MTRR: variants seen among roughly 807,000 people sequenced by gnomAD.
MTRR encodes 5-methyltetrahydrofolate-homocysteine methyltransferase reductase.
Under a neutral mutation model 79.2 loss-of-function variants are expected in MTRR, and 63 were observed. The ratio of observed to expected loss-of-function variants is 0.80; its 90% CI spans 0.65 to 0.98. The LOEUF is 0.98. Among genes scored for constraint, MTRR ranks in the 50% least tolerant of loss-of-function variants. MTRR has a pLI of 0.00. For missense variants in MTRR, 895 were observed against 839.6 expected, an observed-to-expected ratio of 1.07 and a Z score of -0.82; for synonymous variants, 355 against 313.3, an observed-to-expected ratio of 1.13 and a Z score of -1.41.
chr5:7,893,084 C>T, intron 11 of MTRR, 171 bp downstream of exon 11: 1 of 712,454 alleles, frequency 1.4e-6, no homozygotes, highest in Non-Finnish European at 2.3e-6. Flanking sequence ...CTTCCATGTA[C>T]TCTTTAACTA....
rs372674593 is a variant in MTRR, at chr5:7,869,178, C to G, written c.-63C>G. 9 of 1,611,744 alleles carry G rather than the reference C, an allele frequency of 5.6e-6. No homozygotes were observed. In the African/African-American group the frequency reaches 9.3e-5, roughly 17 times the overall value. ...GCGCTGGCGCAAGGTTGGTGGAAGT[C>G]GCGTTGTGCAGGTTCGTGCCCGGCT... On this transcript the variant is annotated 5_prime_UTR_variant, in exon 1 of 15. Coordinates refer to ENST00000440940, the MANE Select transcript of MTRR (RefSeq NM_002454.3).
exon 1 of MTRR, chr5:7,851,215 T>A: frequency 1.9e-6 from 1 of 515,068 alleles, no homozygotes; most frequent in Non-Finnish European, 3.0e-6. Flanking sequence ...GGAGCGACCC[T>A]CCCCTCCTCC....
chr5:7,857,619 G>A (rs1041093480), intron 1 of MTRR, among the ~76,000 whole-genome samples: 15 of 152,158 alleles, frequency 9.9e-5, no homozygotes, highest in African/African-American at 3.6e-4. Flanking sequence ...GTGGGCATGA[G>A]GTCTCTGTGT....
At chr5:7,859,549 T>C (rs747775050) in intron 1 of MTRR, 16 of 1,548,086 alleles carry the variant, frequency 1.0e-5, no homozygotes, top group East Asian at 2.3e-5. Context: ...TCTGTAAAGG[T>C]AGAAAAGTAA....
intron 4 of MTRR, among the ~76,000 whole-genome samples, chr5:7,875,735 G>C (rs1468827946): frequency 1.3e-5 from 2 of 152,188 alleles, no homozygotes; most frequent in Non-Finnish European, 2.9e-5. Context: ...CCTTTGGATT[G>C]GGCTCTTTAC....
intron 2 of MTRR, among the ~76,000 whole-genome samples, chr5:7,872,050 G>A (rs1266181321): frequency 6.6e-6 from 1 of 151,900 alleles, no homozygotes; most frequent in Admixed American, 6.6e-5. Context: ...TATCCTCCCT[G>A]GCTGATGGTT....
intron 12 of MTRR, among the ~76,000 whole-genome samples, chr5:7,896,162 G>A (rs1738485783): frequency 6.6e-6 from 1 of 152,176 alleles, no homozygotes. Context: ...TACAGCTGTT[G>A]TATCTATCCC....
In MTRR at chr5:7,889,227, C is replaced by A. The variant is rs763667405; in HGVS notation, c.1279C>A (p.Leu427Ile). ...VRDACACLLD[L>I]LLAFPSCQPP... ...AGATGCCTGTGCCTGCTTGTTGGAT[C>A]TCCTCCTCGCTTTCCCTTCTTGCCA... The change falls in exon 9 of 15, where the codon CTC (leucine) becomes ATC (isoleucine). Residue 427 changes from leucine (L) to isoleucine (I), a missense_variant. Physicochemically the swap from Leu to Ile is conservative, Grantham distance 5. Transcript: ENST00000440940. 5 of 1,613,362 alleles carry A rather than the reference C, an allele frequency of 3.1e-6. No homozygotes were observed. The South Asian group carries it at 5.5e-5, about 18-fold the overall frequency.
At position 7,877,682 on chromosome 5, in the gene MTRR, A is replaced by G. The variant is rs565576627; in HGVS notation, c.402-262A>G. Reference sequence around the variant, plus strand: ...GGAGGAATTCTATTCCTGTCATCCTATTACTAGAATATCTTCCTATCCCTC... The same window carrying G: ...GGAGGAATTCTATTCCTGTCATCCTGTTACTAGAATATCTTCCTATCCCTC... On this transcript the variant is annotated intron_variant, in intron 4 of 14. Transcript: ENST00000440940. 7.2e-5 allele frequency among the ~76,000 whole-genome samples: 11 copies of G among 152,238 alleles called. No individual in the cohort carries two copies. In the South Asian group the frequency reaches 1.2e-3, roughly 17 times the overall value.
At position 7,870,845 on chromosome 5, in the gene MTRR, C is replaced by T. The variant is rs1361329417; in HGVS notation, c.51C>T (p.Ala17=). 1 of 1,614,182 alleles carries T rather than the reference C, an allele frequency of 6.2e-7. No individual in the cohort carries two copies. Among genetic ancestry groups the T allele is most frequent in the Non-Finnish European group, 8.5e-7 (1 of 1,180,034 alleles). The change falls in exon 2 of 15, where the codon GCC becomes GCT. Residue 17 remains alanine, a synonymous_variant. Coordinates refer to ENST00000440940, the MANE Select transcript of MTRR (RefSeq NM_002454.3). ...CTACACAGCAGGGACAGGCAAAGGC[C>T]ATCGCAGAAGAAATATGTGAGCAAG... The part of the protein sequence containing the change: ...LYATQQGQAK[A]IAEEICEQAV...
chr5:7,868,504 G>A (rs1207479810), upstream of MTRR, among the ~76,000 whole-genome samples: 1 of 152,138 alleles, frequency 6.6e-6, no homozygotes, highest in Admixed American at 6.5e-5. Flanking sequence ...GTTGGTTGAA[G>A]GAAGAAATTG....
chr5:7,877,943 G>A lies in MTRR; in HGVS notation c.402-1G>A. The A allele has an allele frequency of 6.2e-7, 1 of 1,612,650 alleles. No individual in the cohort carries two copies. Among genetic ancestry groups the A allele is most frequent in the Non-Finnish European group, 8.5e-7 (1 of 1,179,978 alleles). On this transcript the variant is annotated splice_acceptor_variant, in intron 4 of 14. Coordinates refer to ENST00000440940, the MANE Select transcript of MTRR (RefSeq NM_002454.3). LOFTEE classifies it high-confidence loss of function. Reference sequence around the variant, plus strand: ...GTTTTTCGTTTGTTTTTACTGTCCAGTTTAGAACTTGTGGTTGAGCCGTGG... The same window carrying A: ...GTTTTTCGTTTGTTTTTACTGTCCAATTTAGAACTTGTGGTTGAGCCGTGG...
chr5:7,861,858 G>A, intron 1 of MTRR: 1 of 1,136,034 alleles, frequency 8.8e-7, no homozygotes, highest in African/African-American at 1.6e-5. Context: ...CTTAAATTAA[G>A]AAAGCTCAAT....
chr5:7,876,243 C>T (rs929630847), intron 4 of MTRR, among the ~76,000 whole-genome samples: 78 of 152,182 alleles, frequency 5.1e-4, no homozygotes, highest in African/African-American at 1.8e-3. Flanking sequence ...TTTTCCATAT[C>T]GCCAGCACAC....
At chr5:7,861,821 A>C (rs764089986) in intron 1 of MTRR, 2 of 1,326,216 alleles carry the variant, frequency 1.5e-6, no homozygotes, top group South Asian at 2.0e-5. Flanking sequence ...TTTTAATTCA[A>C]TTGGCTTTAT....
At chr5:7,883,112 A>C in intron 5 of MTRR, 43 bp from the exon 6 acceptor site, 1 of 1,613,858 alleles carries the variant, frequency 6.2e-7, no homozygotes. Context: ...AGAAGGGTAT[A>C]ATTGAAAATT....
At chr5:7,862,638 A>T (rs1746633418) in intron 2 of MTRR, among the ~76,000 whole-genome samples, 1 of 152,122 alleles carries the variant, frequency 6.6e-6, no homozygotes, top group South Asian at 2.1e-4. Flanking sequence ...CGTGGCTAAT[A>T]TTTGAGACTT....
At chr5:7,865,962 G>A (rs1353585605), upstream of MTRR, 1 of 1,613,970 alleles carries the variant, frequency 6.2e-7, no homozygotes, top group South Asian at 1.1e-5. Context: ...CCGACTCAAT[G>A]TGTCCAAATG....
rs2126812850 is a variant in MTRR, at chr5:7,896,902, G to T, written c.1715G>T (p.Gly572Val). Residue 572 changes from glycine (G) to valine (V), a missense_variant, in exon 13 of 15, where the codon GGA (glycine) becomes GTA (valine). Physicochemically the swap from Gly to Val is moderately radical, Grantham distance 109 (BLOSUM62 -3). Transcript: ENST00000440940. ...GAACAACACCCAGATGGAAATTTTG[G>T]AGCAATGTGGTTGTTTTTTGGCTGC... is the stretch of plus-strand genomic sequence containing the variant. The part of the protein sequence containing the change: ...LQEQHPDGNF[G>V]AMWLFFGCRH... The T allele has an allele frequency of 6.2e-7, 1 of 1,614,016 alleles. No homozygotes were observed. The highest frequency in any genetic ancestry group is 2.2e-5 in the East Asian group (1 of 44,856).
Sources: gnomAD v4.1 joint callset for allele counts (sites outside exome capture counted in the v4.1 genomes callset) on GRCh38, gnomAD v4.1.1 for gene constraint, MANE v1.5 for transcripts, NCBI Gene and HGNC (gene_info 2026-07-23, HGNC 2026-07-21) for gene names.